Variants in ASRGL1 observed in about 807,000 individuals in gnomAD.
The protein encoded by ASRGL1 is asparaginase and isoaspartyl peptidase 1.
Under a neutral mutation model 22.4 loss-of-function variants are expected in ASRGL1, and 16 were observed. The observed-to-expected ratio is 0.71, with a 90% CI of 0.48 to 1.08. ASRGL1 has a LOEUF of 1.08. Ranked by LOEUF, ASRGL1 falls within the 50% of genes least tolerant of loss-of-function variation. The pLI, the probability that ASRGL1 is intolerant of heterozygous loss-of-function variation, is 0.00. For missense variants in ASRGL1, 412 were observed against 410.1 expected, an observed-to-expected ratio of 1.00 and a Z score of -0.04; for synonymous variants, 165 against 159.3, an observed-to-expected ratio of 1.04 and a Z score of -0.27.
chr11:62,385,352 T>C (rs1236599512), intron 4 of ASRGL1, among the ~76,000 whole-genome samples: 1 of 152,076 alleles, frequency 6.6e-6, no homozygotes, highest in Non-Finnish European at 1.5e-5. Context: ...ACGTTCTTTA[T>C]AGATAGATGG....
chr11:62,351,169 C>T (rs181923740), intron 2 of ASRGL1, among the ~76,000 whole-genome samples: 94 of 152,270 alleles, frequency 6.2e-4, no homozygotes, highest in African/African-American at 2.2e-3. Context: ...TCCCTTTACC[C>T]TCCCCTGCTG....
At chr11:62,373,024 C>G in intron 4 of ASRGL1, 3 of 1,381,176 alleles carry the variant, frequency 2.2e-6, no homozygotes, top group Non-Finnish European at 3.1e-6. Flanking sequence ...AAGTCTTCCA[C>G]TGCAGCCCAG....
rs994234755 is a variant in ASRGL1, at chr11:62,357,254, G to GTTTTGTT, written c.491+113_491+119dup. 4.9e-6 allele frequency: 6 copies of GTTTTGTT among 1,216,540 alleles called. No homozygotes were observed. In the African/African-American group the frequency reaches 7.9e-5, roughly 16 times the overall value. The allele number at this position is 1,216,540 out of a possible 1,614,324, so 75.4% of individuals were successfully genotyped here. On this transcript the variant is annotated intron_variant, in intron 4 of 6. Coordinates refer to ENST00000415229, the MANE Select transcript of ASRGL1 (RefSeq NM_001083926.2). ...GTTTTGTTTTGTTTTGTTTTGTTTTGTTTTGTTTTGTTTGACACGGAGTCT... is the reference window on the plus strand; with the variant it reads ...GTTTTGTTTTGTTTTGTTTTGTTTTGTTTTGTTTTTTGTTTTGTTTGACACGGAGTCT...
intron 2 of ASRGL1, among the ~76,000 whole-genome samples, chr11:62,349,825 G>T (rs1946128201): frequency 6.6e-6 from 1 of 152,108 alleles, no homozygotes; most frequent in Non-Finnish European, 1.5e-5. Context: ...ATTTCTTGAT[G>T]ATCTGCTAAA....
intron 2 of ASRGL1, among the ~76,000 whole-genome samples, chr11:62,346,662 T>C (rs1268714761): frequency 6.6e-6 from 1 of 152,102 alleles, no homozygotes; most frequent in Non-Finnish European, 1.5e-5. Context: ...TAGTCTTGCC[T>C]TTTCCTACAC....
chr11:62,337,787 C>T (rs961267183), intron 1 of ASRGL1, 103 bp from the exon 2 acceptor site: 2 of 531,872 alleles, frequency 3.8e-6, no homozygotes, highest in Non-Finnish European at 6.3e-6. Context: ...GGGAGGGCGC[C>T]GGGCCCCTGG....
Position 62,392,193 on chromosome 11 carries a change from C to T in ASRGL1, c.836C>T (p.Thr279Ile), listed in dbSNP as rs1947355695. 6.2e-7 allele frequency: 1 copy of T among 1,614,232 alleles called. No individual in the cohort carries two copies. The highest frequency in any genetic ancestry group is 2.2e-5 in the East Asian group (1 of 44,884). Reference protein sequence around the residue: ...SKTGDWVAKWTSTSMPWAAAK... With the variant: ...SKTGDWVAKWISTSMPWAAAK... ...ACAGGAGACTGGGTGGCAAAGTGGA[C>T]CTCCACCTCCATGCCCTGGGCAGCC... Residue 279 changes from threonine (T) to isoleucine (I), a missense_variant, in exon 7 of 7, where the codon ACC becomes ATC. Physicochemically the swap from Thr to Ile is moderately conservative, Grantham distance 89. Coordinates refer to ENST00000415229, the MANE Select transcript of ASRGL1 (RefSeq NM_001083926.2).
chr11:62,351,591 A>G (rs994433877), intron 2 of ASRGL1, among the ~76,000 whole-genome samples: 2 of 151,442 alleles, frequency 1.3e-5, no homozygotes, highest in African/African-American at 4.9e-5. Context: ...CGGAGGTTGC[A>G]GTGAGTAGAG....
downstream of ASRGL1, among the ~76,000 whole-genome samples, chr11:62,397,547 G>C (rs985620661): frequency 5.9e-5 from 9 of 151,540 alleles, no homozygotes; most frequent in East Asian, 1.6e-3. Flanking sequence ...GCCTGTAATC[G>C]CAGCTACTGG....
At chr11:62,388,812 G>A (rs1947272462) in intron 4 of ASRGL1, among the ~76,000 whole-genome samples, 1 of 151,860 alleles carries the variant, frequency 6.6e-6, no homozygotes, top group Non-Finnish European at 1.5e-5. Flanking sequence ...ACACACTAAA[G>A]TTTGAGAAGC....
intron 4 of ASRGL1, chr11:62,372,926 C>T: frequency 6.4e-7 from 1 of 1,558,612 alleles, no homozygotes. Flanking sequence ...GTGGGAAGAG[C>T]AGCATCATTG....
At chr11:62,350,374 T>TA (rs1946140906) in intron 2 of ASRGL1, among the ~76,000 whole-genome samples, 1 of 152,210 alleles carries the variant, frequency 6.6e-6, no homozygotes, top group Non-Finnish European at 1.5e-5. Flanking sequence ...TTGGGACTAT[T>TA]ACAAATAAAG....
At chr11:62,356,011 A>G (rs1182873867) in intron 2 of ASRGL1, among the ~76,000 whole-genome samples, 1 of 152,224 alleles carries the variant, frequency 6.6e-6, no homozygotes, top group African/African-American at 2.4e-5. Flanking sequence ...AAAGTCTCCC[A>G]TGTCTACTTC....
At chr11:62,344,206 A>G (rs949464377) in intron 2 of ASRGL1, among the ~76,000 whole-genome samples, 1 of 151,964 alleles carries the variant, frequency 6.6e-6, no homozygotes, top group Non-Finnish European at 1.5e-5. Flanking sequence ...TGTCGTTCAT[A>G]TTTCTTCAGT....
At chr11:62,375,485 TTG>T in intron 4 of ASRGL1, among the ~76,000 whole-genome samples, 1 of 125,214 alleles carries the variant, frequency 8.0e-6, no homozygotes, top group Non-Finnish European at 1.7e-5. Flanking sequence ...TATATATTTC[TTG>T]GAGTAAACAT....
chr11:62,362,907 T>A (rs1946516122), intron 4 of ASRGL1, among the ~76,000 whole-genome samples: 1 of 34,206 alleles, frequency 2.9e-5, no homozygotes, highest in Non-Finnish European at 5.6e-5. Flanking sequence ...TTTTTTTTTT[T>A]TTTTTTTTTT....
At chr11:62,392,043 A>G (rs1947351806) in intron 6 of ASRGL1, 36 bp from the exon 7 acceptor site, 1 of 1,598,074 alleles carries the variant, frequency 6.3e-7, no homozygotes, top group African/African-American at 1.3e-5. Context: ...TCCTTTCAGT[A>G]ATGTGTGTTG....
intron 4 of ASRGL1, chr11:62,371,953 CAA>C (rs35892721): frequency 0.03 from 12,183 of 410,824 alleles, 1 homozygote; most frequent in East Asian, 0.04. Flanking sequence ...GACTCCGTCT[CAA>C]AAAAAAAAAA....
chr11:62,387,037 C>T (rs1947230512), intron 4 of ASRGL1, among the ~76,000 whole-genome samples: 1 of 149,950 alleles, frequency 6.7e-6, no homozygotes, highest in South Asian at 2.1e-4. Context: ...GGATTACAGA[C>T]ACACGCCACC....
Sources: allele counts gnomAD v4.1 joint callset (sites outside exome capture counted in the v4.1 genomes callset), GRCh38; gene constraint gnomAD v4.1.1; transcripts MANE v1.5; gene names NCBI Gene and HGNC (gene_info 2026-07-23, HGNC 2026-07-21).